Variants in DNAJC25 observed in about 807,000 individuals in gnomAD.
DNAJC25 encodes the protein dnaJ homolog subfamily C member 25.
A neutral mutation model predicts 42.1 loss-of-function variants in DNAJC25; 26 were observed. The ratio of observed to expected loss-of-function variants is 0.62; its 90% CI spans 0.45 to 0.86. The LOEUF is 0.86. Ranked by LOEUF, DNAJC25 falls within the 40% of genes least tolerant of loss-of-function variation. The probability of loss-of-function intolerance (pLI) is 0.00; values close to 1 mark genes in which losing one functional copy is unlikely to be tolerated. For synonymous variants in DNAJC25, 189 were observed against 179.9 expected (o/e 1.05, Z -0.40); for missense variants, 404 against 459.4 (o/e 0.88, Z 1.10).
intron 1 of DNAJC25, among the ~76,000 whole-genome samples, chr9:111,644,641 T>C (rs1361662875): frequency 1.3e-5 from 2 of 152,222 alleles, no homozygotes; most frequent in Non-Finnish European, 2.9e-5. Flanking sequence ...CATAGGAGTC[T>C]GATCTCCGTG....
Position 111,649,483 on chromosome 9 carries a change from G to A in DNAJC25, c.520G>A (p.Ala174Thr). 2 of 1,598,930 alleles carry A rather than the reference G, an allele frequency of 1.3e-6. No homozygotes were observed. The highest frequency in any genetic ancestry group is 1.4e-5 in the African/African-American group (1 of 73,806). Reference sequence around the variant, plus strand: ...CAGCTGGTGGAATAGCTACAATAAGGCAATCAGCTACCTAGCCACAGTGCC... The same window carrying A: ...CAGCTGGTGGAATAGCTACAATAAGACAATCAGCTACCTAGCCACAGTGCC... The part of the protein sequence containing the change: ...FFSWWNSYNK[A>T]ISYLATVPKY... Residue 174 changes from alanine (A) to threonine (T), a missense_variant, in exon 3 of 4, where the codon GCA becomes ACA. Transcript: ENST00000313525.
At chr9:111,647,534 C>T (rs1001120179) in intron 2 of DNAJC25, among the ~76,000 whole-genome samples, 4 of 152,130 alleles carry the variant, frequency 2.6e-5, no homozygotes, top group Admixed American at 6.5e-5. Context: ...CCAGAGTGAA[C>T]GTCAGCTAAT....
At chr9:111,640,126 C>CTG (rs1193256513) in intron 1 of DNAJC25, among the ~76,000 whole-genome samples, 1 of 140,032 alleles carries the variant, frequency 7.1e-6, no homozygotes, top group Non-Finnish European at 1.5e-5. Context: ...CGGGGTTTCG[C>CTG]TGTGTTGGCC....
intron 1 of DNAJC25, among the ~76,000 whole-genome samples, chr9:111,644,648 C>T (rs893567722): frequency 1.4e-4 from 21 of 152,116 alleles, no homozygotes; most frequent in Non-Finnish European, 3.1e-4. Context: ...GTCTGATCTC[C>T]GTGTGGCATT....
At position 111,653,155 on chromosome 9, in the gene DNAJC25, G is replaced by A; in HGVS notation, c.1016G>A (p.Arg339Lys). 1.9e-6 allele frequency: 3 copies of A among 1,604,068 alleles called. No individual in the cohort carries two copies. Among genetic ancestry groups the A allele is most frequent in the Non-Finnish European group, 2.6e-6 (3 of 1,174,030 alleles). ...ELKKKLANDPRWKRYRRWMKN... is the reference protein window; with the variant it reads ...ELKKKLANDPKWKRYRRWMKN... Reference sequence around the variant, plus strand: ...AAGAAAAAGTTGGCAAATGACCCCAGATGGAAGAGATACAGGAGATGGATG... The same window carrying A: ...AAGAAAAAGTTGGCAAATGACCCCAAATGGAAGAGATACAGGAGATGGATG... The change falls in exon 4 of 4, where the codon AGA (arginine) becomes AAA (lysine). Residue 339 changes from arginine (R) to lysine (K), a missense_variant. Physicochemically the swap from Arg to Lys is conservative, Grantham distance 26. Transcript: ENST00000313525.
Position 111,647,220 on chromosome 9 carries a change from A to G in DNAJC25, c.450A>G (p.Val150=). Residue 150 remains valine, a synonymous_variant, in exon 2 of 4, where the codon GTA becomes GTG. Transcript: ENST00000313525. Reference sequence around the variant, plus strand: ...TGGCCCCTAAGGTGGATGTTAGAGTAGTGATTTTGGTCAGCGTGTGTGCTA... The same window carrying G: ...TGGCCCCTAAGGTGGATGTTAGAGTGGTGATTTTGGTCAGCGTGTGTGCTA... ...RRLAPKVDVR[V]VILVSVCAIS... is the part of the protein sequence containing the mutation. 6.2e-7 allele frequency: 1 copy of G among 1,614,224 alleles called. No individual in the cohort carries two copies. Among genetic ancestry groups the G allele is most frequent in the Non-Finnish European group, 8.5e-7 (1 of 1,180,038 alleles).
chr9:111,631,447 G>T lies in DNAJC25; in HGVS notation c.40G>T (p.Ala14Ser). The change falls in exon 1 of 4, where the codon GCT (alanine) becomes TCT (serine). Residue 14 changes from alanine to serine, a missense_variant. By Grantham distance (99) the Ala-to-Ser change is moderately conservative. Transcript: ENST00000313525. Reference protein sequence around the residue: ...PLLSPGWGAGAAGRRWWMLLA... With the variant: ...PLLSPGWGAGSAGRRWWMLLA... The stretch of plus-strand genomic sequence containing the variant: ...GCTCTCTCCCGGCTGGGGAGCCGGG[G>T]CTGCCGGCCGGCGCTGGTGGATGCT... The T allele has an allele frequency of 7.7e-7, 1 of 1,301,210 alleles. No individual in the cohort carries two copies. Among genetic ancestry groups the T allele is most frequent in the Non-Finnish European group, 9.7e-7 (1 of 1,030,180 alleles). The allele number at this position is 1,301,210 out of a possible 1,614,324, so 80.6% of individuals were successfully genotyped here. A position where few individuals can be genotyped will look rare whatever the true frequency, so the allele number is the denominator to read the frequency against.
Position 111,631,613 on chromosome 9 carries a change from A to G in DNAJC25, c.206A>G (p.Tyr69Cys). The stretch of plus-strand genomic sequence containing the variant: ...GGCAAGGCGGAGATCGCGCGGGCCT[A>G]CCGCCAGCTGGCCCGGCGCTACCAC... ...SAGKAEIARAYRQLARRYHPD... is the reference protein window; with the variant it reads ...SAGKAEIARACRQLARRYHPD... Residue 69 changes from tyrosine to cysteine, a missense_variant, in exon 1 of 4, where the codon TAC becomes TGC. Coordinates refer to ENST00000313525, the MANE Select transcript of DNAJC25 (RefSeq NM_001015882.3). The G allele has an allele frequency of 6.7e-7, 1 of 1,493,368 alleles. No homozygotes were observed. Among genetic ancestry groups the G allele is most frequent in the Non-Finnish European group, 8.9e-7 (1 of 1,129,012 alleles). The allele number at this position is 1,493,368 out of a possible 1,614,324, so 92.5% of individuals were successfully genotyped here. A position where few individuals can be genotyped will look rare whatever the true frequency, so the allele number is the denominator to read the frequency against.
At chr9:111,645,286 G>A (rs1028165957) in intron 1 of DNAJC25, among the ~76,000 whole-genome samples, 1 of 148,634 alleles carries the variant, frequency 6.7e-6, no homozygotes, top group Non-Finnish European at 1.5e-5. Flanking sequence ...ACAGAGTCTC[G>A]CTCTGTCGCC....
intron 1 of DNAJC25, among the ~76,000 whole-genome samples, chr9:111,635,971 C>G (rs1281001455): frequency 6.6e-6 from 1 of 152,206 alleles, no homozygotes; most frequent in African/African-American, 2.4e-5. Context: ...CCTTCTTTAA[C>G]TGGGACTGAC....
At chr9:111,643,981 A>G (rs1209702917) in intron 1 of DNAJC25, among the ~76,000 whole-genome samples, 2 of 152,184 alleles carry the variant, frequency 1.3e-5, no homozygotes, top group East Asian at 3.8e-4. Flanking sequence ...GCTGCTCTTG[A>G]TTCTAAAGTA....
intron 1 of DNAJC25, among the ~76,000 whole-genome samples, chr9:111,632,381 G>C (rs192946610): frequency 6.6e-6 from 1 of 152,202 alleles, no homozygotes; most frequent in Non-Finnish European, 1.5e-5. Flanking sequence ...TAAATGATAA[G>C]TGTGCGAACC....
In DNAJC25 at chr9:111,653,200, G is replaced by C. The variant is rs752483698; in HGVS notation, c.1061G>C (p.Arg354Pro). ...TGGATGAAGAATGAAGGGCCTGGGC[G>C]GTTAACATTTGTGGATGACTGAAGA... ...RRWMKNEGPG[R>P]LTFVDD Residue 354 changes from arginine to proline, a missense_variant, in exon 4 of 4, where the codon CGG becomes CCG. Arg to Pro is a moderately radical substitution (Grantham distance 103, BLOSUM62 -2). Coordinates refer to ENST00000313525, the MANE Select transcript of DNAJC25 (RefSeq NM_001015882.3). 1 of 1,583,664 alleles carries C rather than the reference G, an allele frequency of 6.3e-7. No individual in the cohort carries two copies. The highest frequency in any genetic ancestry group is 8.6e-7 in the Non-Finnish European group (1 of 1,163,810).
intron 1 of DNAJC25, among the ~76,000 whole-genome samples, chr9:111,632,188 T>A (rs1411454675): frequency 6.6e-6 from 1 of 152,158 alleles, no homozygotes; most frequent in Non-Finnish European, 1.5e-5. Flanking sequence ...GACGCTTAGT[T>A]TGGGTTTAAG....
At chr9:111,649,368 G>C in intron 2 of DNAJC25, 85 bp from the exon 3 acceptor site, 1 of 1,435,416 alleles carries the variant, frequency 7.0e-7, no homozygotes, top group Non-Finnish European at 9.1e-7. Flanking sequence ...TTGGGAGATG[G>C]TATTCACCGA....
chr9:111,652,756 A>G (rs1314061698), intron 3 of DNAJC25, among the ~76,000 whole-genome samples: 3 of 151,874 alleles, frequency 2.0e-5, no homozygotes, highest in Admixed American at 1.3e-4. Flanking sequence ...CATGTTGGCC[A>G]GGCTGGTTTT....
At position 111,649,841 on chromosome 9, in the gene DNAJC25, C is replaced by A; in HGVS notation, c.878C>A (p.Ser293Ter). ...ATTATACGTAAATCTATGAAGATGT[C>A]AAAGTCTCAATTTGATAGTCTAGAA... ...LYIIRKSMKM[S>*]KSQFDSLEDH... The change falls in exon 3 of 4, where the codon TCA (serine) becomes TAA (stop). Residue 293 changes from serine to a stop codon, truncating the protein, a stop_gained. Coordinates refer to ENST00000313525, the MANE Select transcript of DNAJC25 (RefSeq NM_001015882.3). LOFTEE classifies it high-confidence loss of function. The A allele has an allele frequency of 1.2e-6, 2 of 1,612,364 alleles. No homozygotes were observed. Among genetic ancestry groups the A allele is most frequent in the South Asian group, 2.2e-5 (2 of 90,590 alleles).
chr9:111,653,413 A>G lies in DNAJC25; in HGVS notation c.*191A>G. 1 of 533,788 alleles carries G rather than the reference A, an allele frequency of 1.9e-6. No individual in the cohort carries two copies. Among genetic ancestry groups the G allele is most frequent in the Non-Finnish European group, 2.8e-6 (1 of 359,704 alleles). The allele number at this position is 533,788 out of a possible 1,614,324, so 33.1% of individuals were successfully genotyped here. A position where few individuals can be genotyped will look rare whatever the true frequency, so the allele number is the denominator to read the frequency against. ...ATACATAAGACATTTATGATTGTTCAATTTTTATAATCTATTTGTGGATTT... is the reference window on the plus strand; with the variant it reads ...ATACATAAGACATTTATGATTGTTCGATTTTTATAATCTATTTGTGGATTT... On this transcript the variant is annotated 3_prime_UTR_variant, in exon 4 of 4. Transcript: ENST00000313525.
At chr9:111,631,824 G>A (rs753719220) in intron 1 of DNAJC25, 81 bp downstream of exon 1, 6 of 1,431,658 alleles carry the variant, frequency 4.2e-6, no homozygotes, top group Middle Eastern at 2.0e-4. Flanking sequence ...TCCGCGGAGC[G>A]TGGGCCTCTG....
Sources: gnomAD v4.1 joint callset for allele counts (sites outside exome capture counted in the v4.1 genomes callset) on GRCh38, gnomAD v4.1.1 for gene constraint, MANE v1.5 for transcripts, NCBI Gene and HGNC (gene_info 2026-07-23, HGNC 2026-07-21) for gene names.